CD6: variants seen among roughly 807,000 people sequenced by gnomAD.
CD6 encodes T-cell differentiation antigen CD6.
Under a neutral mutation model 75.3 loss-of-function variants are expected in CD6, and 53 were observed. That is an observed-to-expected ratio of 0.70 (90% CI 0.56 to 0.88). The LOEUF is 0.88. CD6 is among the 40% of genes least tolerant of loss of function. The probability of loss-of-function intolerance (pLI) is 0.00; values close to 1 mark genes in which losing one functional copy is unlikely to be tolerated. For synonymous variants in CD6, 359 were observed against 381.5 expected (o/e 0.94, Z 0.69); for missense variants, 770 against 897.1 (o/e 0.86, Z 1.81).
Position 61,007,620 on chromosome 11 carries a change from T to A in CD6, c.179T>A (p.Val60Glu). The change falls in exon 3 of 13, where the codon GTG becomes GAG. Residue 60 changes from valine (V) to glutamate (E), a missense_variant. Coordinates refer to ENST00000313421, the MANE Select transcript of CD6 (RefSeq NM_006725.5). This position sits in a 1 kb window ranked among gnomAD's most constrained non-coding sequence, Gnocchi z 4.2. ...AGCAGCTGCAGCGGGACGGTGGAGG[T>A]GCGGCTCGAGGCGTCCTGGGAGCCC... ...GSSSCSGTVE[V>E]RLEASWEPAC... The A allele has an allele frequency of 6.7e-7, 1 of 1,493,102 alleles. No homozygotes were observed. 92.5% of individuals were successfully genotyped at this position (1,493,102 alleles called of 1,614,324 possible).
chr11:61,018,803 C>T (rs1169196731), intron 12 of CD6: 1 of 247,118 alleles, frequency 4.0e-6, no homozygotes, highest in Non-Finnish European at 7.8e-6. Flanking sequence ...CCTGCAGGGT[C>T]AGAGCAAGAC....
At chr11:60,974,784 C>T (rs1159624935) in intron 1 of CD6, among the ~76,000 whole-genome samples, 1 of 152,212 alleles carries the variant, frequency 6.6e-6, no homozygotes, top group Non-Finnish European at 1.5e-5. Context: ...AGGTTCTGCC[C>T]TGGTCCCGTC....
At chr11:61,008,018 A>C in intron 3 of CD6, 108 bp downstream of exon 3, 2 of 659,114 alleles carry the variant, frequency 3.0e-6, no homozygotes, top group Non-Finnish European at 4.4e-6. Flanking sequence ...CCAGACCTCC[A>C]CCCCCACCGC....
At position 60,971,901 on chromosome 11, in the gene CD6, G is replaced by C. The variant is rs369885718; in HGVS notation, c.36G>C (p.Thr12=). The C allele has an allele frequency of 6.2e-7, 1 of 1,613,884 alleles. No individual in the cohort carries two copies. The highest frequency in any genetic ancestry group is 8.5e-7 in the Non-Finnish European group (1 of 1,180,000). The change falls in exon 1 of 13, where the codon ACG becomes ACC. Residue 12 remains threonine (T), a synonymous_variant. Transcript: ENST00000313421. ...WLFFGITGLL[T]AALSGHPSPA... ...TCTTCGGGATCACTGGATTGCTGAC[G>C]GCAGCCCTCTCAGGTAGGCCCCCTT...
intron 1 of CD6, among the ~76,000 whole-genome samples, chr11:60,977,385 T>C (rs1362031084): frequency 6.6e-6 from 1 of 152,062 alleles, no homozygotes; most frequent in Admixed American, 6.5e-5. Context: ...ATCCATGCCA[T>C]GTGCTCAGGC....
chr11:61,020,084 G>T lies in CD6; in HGVS notation c.*766G>T, dbSNP rs1859600658. On this transcript the variant is annotated 3_prime_UTR_variant, in exon 13 of 13. Coordinates refer to ENST00000313421, the MANE Select transcript of CD6 (RefSeq NM_006725.5). ...TGAGTTTCCTATGGTTTACAAAGAGGGCCCCAGCCCAGCCCCACCACAGAT... is the reference window on the plus strand; with the variant it reads ...TGAGTTTCCTATGGTTTACAAAGAGTGCCCCAGCCCAGCCCCACCACAGAT... 2 of 398,418 alleles carry T rather than the reference G, an allele frequency of 5.0e-6. No individual in the cohort carries two copies. Among genetic ancestry groups the T allele is most frequent in the African/African-American group, 4.1e-5 (2 of 48,590 alleles). The allele number at this position is 398,418 out of a possible 1,614,324, so 24.7% of individuals were successfully genotyped here. A position where few individuals can be genotyped will look rare whatever the true frequency, so the allele number is the denominator to read the frequency against.
chr11:60,978,853 A>T (rs915737489), intron 1 of CD6, among the ~76,000 whole-genome samples: 2 of 152,256 alleles, frequency 1.3e-5, no homozygotes, highest in African/African-American at 4.8e-5. Context: ...ACCAAAGTGT[A>T]CAAGTTAATG....
chr11:60,994,572 T>G (rs1360395943), intron 1 of CD6, among the ~76,000 whole-genome samples: 1 of 152,002 alleles, frequency 6.6e-6, no homozygotes, highest in South Asian at 2.1e-4. Flanking sequence ...TTGTTTTATT[T>G]GTGTCCCCAA....
At chr11:60,982,708 T>G (rs1360805612) in intron 1 of CD6, 3 of 455,978 alleles carry the variant, frequency 6.6e-6, no homozygotes, top group Admixed American at 4.7e-5. Context: ...TGACAATGTC[T>G]GAGCTGGAAG....
At chr11:60,974,116 G>A (rs1437475730) in intron 1 of CD6, among the ~76,000 whole-genome samples, 1 of 152,160 alleles carries the variant, frequency 6.6e-6, no homozygotes, top group Non-Finnish European at 1.5e-5. Context: ...AAAAGAAGGA[G>A]AAAGAAAAAT....
chr11:60,996,054 C>T (rs549944609), intron 1 of CD6, among the ~76,000 whole-genome samples: 3 of 152,296 alleles, frequency 2.0e-5, no homozygotes, highest in African/African-American at 4.8e-5. Context: ...GGTGTGGTTA[C>T]GAATGTGGCC....
Position 60,997,139 on chromosome 11 carries a change from G to T in CD6, c.50-9435G>T, listed in dbSNP as rs552400927. 6.6e-5 allele frequency among the ~76,000 whole-genome samples: 10 copies of T among 152,262 alleles called. No homozygotes were observed. The East Asian group carries it at 1.9e-3, about 29-fold the overall frequency. On this transcript the variant is annotated intron_variant, in intron 1 of 12. Coordinates refer to ENST00000313421, the MANE Select transcript of CD6 (RefSeq NM_006725.5). Reference sequence around the variant, plus strand: ...GCCTGTAATCCCAGCACTTTGGGAGGCCAAAGCAGGTGGATCACCTGAGGT... The same window carrying T: ...GCCTGTAATCCCAGCACTTTGGGAGTCCAAAGCAGGTGGATCACCTGAGGT...
rs367630662 is a variant in CD6 at position 60,971,806 on chromosome 11, G to A, written c.-60G>A. ...CGCACAACGGCCGTGTCCACCTCCC[G>A]GCCCCAAGATGGTGCTTCCCACAGG... On this transcript the variant is annotated 5_prime_UTR_variant, in exon 1 of 13. Coordinates refer to ENST00000313421, the MANE Select transcript of CD6 (RefSeq NM_006725.5). 2.0e-5 allele frequency: 32 copies of A among 1,576,124 alleles called. No individual in the cohort carries two copies. Among genetic ancestry groups the A allele is most frequent in the Middle Eastern group, 1.7e-4 (1 of 6,018 alleles).
chr11:61,018,619 A>G, intron 12 of CD6: 1 of 529,456 alleles, frequency 1.9e-6, no homozygotes, highest in South Asian at 2.9e-5. Flanking sequence ...GGAATTTACG[A>G]CTAGCCCCGG....
intron 1 of CD6, among the ~76,000 whole-genome samples, chr11:61,000,045 G>T (rs1249848635): frequency 6.6e-6 from 1 of 151,806 alleles, no homozygotes. Context: ...GAGGGAGAGT[G>T]AGACTCTATG....
chr11:60,982,827 TCTGCAGGGAC>T, intron 1 of CD6: 1 of 16,416 alleles, frequency 6.1e-5, no homozygotes, highest in Non-Finnish European at 9.2e-5. Flanking sequence ...AGAAGCCCAG[TCTGCAGGGAC>T]TCTTTCCAGG....
intron 8 of CD6, 67 bp from the exon 9 acceptor site, chr11:61,015,646 C>T: frequency 1.3e-6 from 2 of 1,588,368 alleles, no homozygotes; most frequent in Non-Finnish European, 1.7e-6. Flanking sequence ...CGTTCATACT[C>T]TACCATCCCT....
intron 9 of CD6, among the ~76,000 whole-genome samples, chr11:61,016,152 G>A (rs1009486801): frequency 6.6e-6 from 1 of 152,198 alleles, no homozygotes; most frequent in Non-Finnish European, 1.5e-5. Context: ...TGAGAGCGGG[G>A]GAGTGCGGAT....
intron 6 of CD6, among the ~76,000 whole-genome samples, chr11:61,011,918 C>T (rs1007798274): frequency 2.0e-4 from 31 of 152,168 alleles, no homozygotes; most frequent in African/African-American, 4.8e-5. Context: ...TGTGAGGCTC[C>T]AGTGAATTAA....
Sources: allele counts gnomAD v4.1 joint callset (sites outside exome capture counted in the v4.1 genomes callset), GRCh38; gene constraint gnomAD v4.1.1; non-coding constraint Gnocchi (gnomAD v3.1); transcripts MANE v1.5; gene names NCBI Gene and HGNC (gene_info 2026-07-23, HGNC 2026-07-21).